The following METTL15 variants were observed in gnomAD, a reference collection of about 807,000 sequenced individuals.
METTL15 encodes 12S rRNA N(4)-cytidine methyltransferase METTL15.
METTL15 carries 34 observed loss-of-function variants against 38.3 expected under a neutral mutation model. That is an observed-to-expected ratio of 0.89 (90% CI 0.68 to 1.18). The LOEUF (loss-of-function observed/expected upper bound fraction) is 1.18, where lower values mean the gene tolerates loss of function less well. Among genes scored for constraint, METTL15 ranks in the 50% most tolerant of loss-of-function variants. The probability of loss-of-function intolerance (pLI) is 0.00; values close to 1 mark genes in which losing one functional copy is unlikely to be tolerated. For missense variants in METTL15, 438 were observed against 498.4 expected, an observed-to-expected ratio of 0.88 and a Z score of 1.15; for synonymous variants, 162 against 170.9, an observed-to-expected ratio of 0.95 and a Z score of 0.41.
intron 5 of METTL15, among the ~76,000 whole-genome samples, chr11:28,371,537 TA>T (rs1850243163): frequency 6.6e-6 from 1 of 152,006 alleles, no homozygotes; most frequent in African/African-American, 2.4e-5. Context: ...TATACTTTTT[TA>T]GGAATGTTTT....
chr11:28,372,402 C>T (rs561120427), intron 5 of METTL15, among the ~76,000 whole-genome samples: 12 of 147,290 alleles, frequency 8.1e-5, no homozygotes, highest in South Asian at 2.2e-4. Context: ...ATTTTTGTAT[C>T]GATGTTCATT....
chr11:28,318,034 T>G (rs1296054172), intron 6 of METTL15, among the ~76,000 whole-genome samples: 1 of 152,182 alleles, frequency 6.6e-6, no homozygotes, highest in Non-Finnish European at 1.5e-5. Flanking sequence ...TACCAGAAAT[T>G]TACCTACTGT....
intron 6 of METTL15, among the ~76,000 whole-genome samples, chr11:28,436,555 C>G (rs1362661603): frequency 6.6e-6 from 1 of 151,336 alleles, no homozygotes; most frequent in Non-Finnish European, 1.5e-5. Flanking sequence ...ATATCTCTGA[C>G]ATTGAGTGTT....
chr11:28,374,841 T>A (rs1216567718), intron 5 of METTL15, among the ~76,000 whole-genome samples: 1 of 148,784 alleles, frequency 6.7e-6, no homozygotes, highest in East Asian at 2.0e-4. Flanking sequence ...ATACGTCCCA[T>A]CAATACCTAA....
chr11:28,444,872 A>G (rs896674051), intron 6 of METTL15, among the ~76,000 whole-genome samples: 2 of 152,204 alleles, frequency 1.3e-5, no homozygotes, highest in African/African-American at 2.4e-5. Context: ...GTGAATGAAT[A>G]TAAGAGTTTC....
At chr11:28,418,545 C>T (rs934233151) in intron 5 of METTL15, among the ~76,000 whole-genome samples, 31 of 152,142 alleles carry the variant, frequency 2.0e-4, no homozygotes, top group South Asian at 2.1e-4. Flanking sequence ...AAGCCTCTGC[C>T]GATCGTCCTC....
chr11:28,169,342 T>G (rs375916972), intron 3 of METTL15, among the ~76,000 whole-genome samples: 11 of 152,282 alleles, frequency 7.2e-5, no homozygotes, highest in African/African-American at 2.6e-4. Flanking sequence ...TTATCTTGGT[T>G]GTTCAAATAT....
chr11:28,425,570 T>C (rs1250564474), intron 6 of METTL15, among the ~76,000 whole-genome samples: 2 of 152,176 alleles, frequency 1.3e-5, no homozygotes, highest in East Asian at 3.9e-4. Context: ...TTTTATGACC[T>C]CTAATCGTTC....
intron 3 of METTL15, among the ~76,000 whole-genome samples, chr11:28,192,888 T>C (rs575753783): frequency 3.3e-5 from 5 of 152,236 alleles, no homozygotes; most frequent in Non-Finnish European, 7.4e-5. Context: ...ATAGTTTGTG[T>C]TTTACAAGGA....
At chr11:28,390,999 T>G (rs1470529550) in intron 5 of METTL15, among the ~76,000 whole-genome samples, 8 of 152,208 alleles carry the variant, frequency 5.3e-5, no homozygotes, top group Non-Finnish European at 1.2e-4. Flanking sequence ...CAATTGTGAA[T>G]GGGAGTTCAC....
intron 5 of METTL15, among the ~76,000 whole-genome samples, chr11:28,405,855 T>C (rs575234839): frequency 1.3e-5 from 2 of 152,294 alleles, no homozygotes; most frequent in South Asian, 4.1e-4. Flanking sequence ...CCACCTCTCA[T>C]ATTCAATTAT....
intron 6 of METTL15, among the ~76,000 whole-genome samples, chr11:28,490,506 G>A (rs374478439): frequency 1.6e-4 from 24 of 152,022 alleles, no homozygotes; most frequent in East Asian, 1.4e-3. Context: ...TCACAATTTT[G>A]GCTGCAAATT....
intron 4 of METTL15, among the ~76,000 whole-genome samples, chr11:28,251,678 C>T (rs894868881): frequency 1.3e-5 from 2 of 151,990 alleles, no homozygotes; most frequent in African/African-American, 2.4e-5. Context: ...CCATAACTCT[C>T]TGAATTTTTC....
At chr11:28,423,762 T>A (rs1850841253) in intron 5 of METTL15, among the ~76,000 whole-genome samples, 1 of 151,938 alleles carries the variant, frequency 6.6e-6, no homozygotes. Flanking sequence ...AAAAAAATAG[T>A]TGGAAAGAAT....
At chr11:28,225,643 G>A (rs758910543) in intron 4 of METTL15, among the ~76,000 whole-genome samples, 83 of 151,528 alleles carry the variant, frequency 5.5e-4, no homozygotes, top group Non-Finnish European at 6.3e-4. Flanking sequence ...CTTTGAAAAC[G>A]TTTGATATTT....
rs77813200 is a variant in METTL15, at chr11:28,378,680, A to G, written c.*358+16644A>G. 4.7e-5 allele frequency among the ~76,000 whole-genome samples: 7 copies of G among 149,328 alleles called. No homozygotes were observed. The East Asian group carries it at 1.4e-3, about 30-fold the overall frequency. On this transcript the variant is annotated intron_variant and NMD_transcript_variant, in intron 5 of 7. Coordinates refer to the METTL15 transcript ENST00000532947. The stretch of plus-strand genomic sequence containing the variant: ...CCTATTCGGCCATCTTGGCTCCTCC[A>G]CCTGTTGTGTTCTTATCTTGTGTTG...
At chr11:28,531,005 GTTTA>G (rs768499125), downstream of METTL15, among the ~76,000 whole-genome samples, 7 of 151,694 alleles carry the variant, frequency 4.6e-5, no homozygotes, top group East Asian at 1.9e-4. Context: ...TTTTTTAGCT[GTTTA>G]TTTATTTCCC....
intron 6 of METTL15, among the ~76,000 whole-genome samples, chr11:28,311,670 C>G (rs1296024488): frequency 2.0e-5 from 3 of 152,218 alleles, no homozygotes; most frequent in African/African-American, 7.2e-5. Flanking sequence ...TTCTCTGAAT[C>G]TATTTCTTCA....
At chr11:28,252,594 T>G (rs1390634867) in intron 4 of METTL15, among the ~76,000 whole-genome samples, 10 of 152,176 alleles carry the variant, frequency 6.6e-5, no homozygotes, top group Admixed American at 6.5e-4. Flanking sequence ...ACTTAAGCAC[T>G]GAATCCTATA....
Sources: allele counts gnomAD v4.1 joint callset (sites outside exome capture counted in the v4.1 genomes callset), GRCh38; gene constraint gnomAD v4.1.1; transcripts MANE v1.5; gene names NCBI Gene and HGNC (gene_info 2026-07-23, HGNC 2026-07-21).